The following ANGPT4 variants were observed in gnomAD, a reference collection of about 807,000 sequenced individuals.
The protein encoded by ANGPT4 is angiopoietin 4.
Under a neutral mutation model 53.0 loss-of-function variants are expected in ANGPT4, and 50 were observed. That is an observed-to-expected ratio of 0.94 (90% CI 0.75 to 1.20). ANGPT4 has a LOEUF of 1.20. Among genes scored for constraint, ANGPT4 ranks in the 50% most tolerant of loss-of-function variants. The probability of loss-of-function intolerance (pLI) is 0.00; values close to 1 mark genes in which losing one functional copy is unlikely to be tolerated. For missense variants in ANGPT4, 648 were observed against 637.1 expected (o/e 1.02, Z -0.18); for synonymous variants, 251 against 259.7 (o/e 0.97, Z 0.32).
At chr20:874,162 G>A (rs1377834774) in intron 8 of ANGPT4, 122 bp downstream of exon 8, 1 of 1,445,022 alleles carries the variant, frequency 6.9e-7, no homozygotes, top group Non-Finnish European at 9.4e-7. Flanking sequence ...GGGTGGGCAA[G>A]GCCCAGACCT....
chr20:892,811 C>T (rs561318033), intron 1 of ANGPT4, among the ~76,000 whole-genome samples: 92 of 152,254 alleles, frequency 6.0e-4, no homozygotes, highest in African/African-American at 2.0e-3. Context: ...GGACGACAGG[C>T]GAGCACCACC....
In ANGPT4 at chr20:881,156, A is replaced by G. The variant is rs933195745; in HGVS notation, c.951+15T>C. On this transcript the variant is annotated intron_variant, in intron 5 of 8. Transcript: ENST00000381922. ...GCACCCTCTAACAGCCACAGTTCCC[A>G]GGGAGCCCCCTAACCTTCCTGGGCT... 24 of 1,555,116 alleles carry G rather than the reference A, an allele frequency of 1.5e-5. No homozygotes were observed. In the Admixed American group the frequency reaches 3.4e-4, roughly 22 times the overall value.
chr20:888,642 A>G (rs1209124375), intron 2 of ANGPT4, among the ~76,000 whole-genome samples: 1 of 152,124 alleles, frequency 6.6e-6, no homozygotes, highest in African/African-American at 2.4e-5. Flanking sequence ...CCATCACTGC[A>G]ATGGCAGCTC....
intron 7 of ANGPT4, among the ~76,000 whole-genome samples, chr20:874,908 T>G (rs73078135): frequency 6.6e-6 from 1 of 152,002 alleles, no homozygotes; most frequent in East Asian, 1.9e-4. Flanking sequence ...AATACAAACA[T>G]AGGGTCTCAC....
intron 5 of ANGPT4, among the ~76,000 whole-genome samples, chr20:880,260 C>G (rs1291044198): frequency 1.3e-5 from 2 of 152,084 alleles, no homozygotes; most frequent in Non-Finnish European, 2.9e-5. Context: ...GTGTAAAAGA[C>G]AACCTGGAGA....
chr20:873,436 C>T (rs1160781886), intron 8 of ANGPT4, among the ~76,000 whole-genome samples: 1 of 148,880 alleles, frequency 6.7e-6, no homozygotes, highest in African/African-American at 2.4e-5. Flanking sequence ...AGCTCCCCAA[C>T]CTCCCCTCAT....
In ANGPT4 at chr20:885,151, C is replaced by T; in HGVS notation, c.762G>A (p.Gln254=). The change falls in exon 4 of 9, where the codon CAG becomes CAA. Residue 254 remains glutamine, a synonymous_variant. Transcript: ENST00000381922. ...VRHNSSLLQD[Q]QHSLRQLLVL... ...CCAGCAGCTGGCGCAGGCTGTGCTG[C>T]TGGTCCTGCAGGAGGCTGGAGTTGT... is the stretch of plus-strand genomic sequence containing the variant. 1 of 1,611,434 alleles carries T rather than the reference C, an allele frequency of 6.2e-7. No individual in the cohort carries two copies. The highest frequency in any genetic ancestry group is 8.5e-7 in the Non-Finnish European group (1 of 1,179,090).
chr20:903,107 C>T (rs1261550567), intron 1 of ANGPT4, among the ~76,000 whole-genome samples: 1 of 152,176 alleles, frequency 6.6e-6, no homozygotes, highest in Non-Finnish European at 1.5e-5. Context: ...GGGTACGACC[C>T]AGGCTTTAGC....
chr20:875,044 T>TC (rs1981110754), intron 7 of ANGPT4, among the ~76,000 whole-genome samples: 1 of 152,012 alleles, frequency 6.6e-6, no homozygotes, highest in African/African-American at 2.4e-5. Flanking sequence ...TTCTTTTTTT[T>TC]CTATTCTTTG....
At chr20:883,193 G>A (rs756400449) in intron 4 of ANGPT4, among the ~76,000 whole-genome samples, 36 of 152,366 alleles carry the variant, frequency 2.4e-4, no homozygotes, top group South Asian at 1.0e-3. Flanking sequence ...AGGAGCCAGG[G>A]CTTGAACTCC....
At chr20:895,953 T>C (rs1402506354) in intron 1 of ANGPT4, among the ~76,000 whole-genome samples, 1 of 152,216 alleles carries the variant, frequency 6.6e-6, no homozygotes, top group African/African-American at 2.4e-5. Context: ...TTGGCAATGT[T>C]CTATGTCATG....
chr20:916,331 G>C lies in ANGPT4; in HGVS notation c.-117C>G. On this transcript the variant is annotated 5_prime_UTR_variant, in exon 1 of 9. Transcript: ENST00000381922. ...CCTGCAGCTGCAGCTACAAACCTCT[G>C]TCTGGCCGAGCTCTGTCCAGGCAGC... 9.0e-7 allele frequency: 1 copy of C among 1,109,128 alleles called. No homozygotes were observed. Among genetic ancestry groups the C allele is most frequent in the South Asian group, 1.5e-5 (1 of 65,152 alleles). The allele number at this position is 1,109,128 out of a possible 1,614,324, so 68.7% of individuals were successfully genotyped here. A position where few individuals can be genotyped will look rare whatever the true frequency, so the allele number is the denominator to read the frequency against.
Position 914,444 on chromosome 20 carries a change from C to A in ANGPT4, c.309+1462G>T, listed in dbSNP as rs927870041. On this transcript the variant is annotated intron_variant, in intron 1 of 8. Transcript: ENST00000381922. The surrounding 1 kb of genome is among the most constrained non-coding windows in gnomAD (Gnocchi z 5.0). The stretch of plus-strand genomic sequence containing the variant: ...GGGAGTAAGGGTTCTTGCTTTTATT[C>A]GGATGCATGGTTAGCCCTGGGAGGA... Among the ~76,000 whole-genome samples the A allele has an allele frequency of 2.6e-5, 4 of 151,862 alleles. No homozygotes were observed. The highest frequency in any genetic ancestry group is 7.3e-5 in the African/African-American group (3 of 41,328).
At position 914,407 on chromosome 20, in the gene ANGPT4, G is replaced by C. The variant is rs959977394; in HGVS notation, c.309+1499C>G. On this transcript the variant is annotated intron_variant, in intron 1 of 8. Transcript: ENST00000381922. The surrounding 1 kb of genome is among the most constrained non-coding windows in gnomAD (Gnocchi z 5.0). ...GGGTAAGCAAAGTGGGAGTCTGGGA[G>C]AGGGAACTCCAGGGAGTAAGGGTTC... Among the ~76,000 whole-genome samples the C allele has an allele frequency of 6.6e-6, 1 of 152,132 alleles. No homozygotes were observed. Among genetic ancestry groups the C allele is most frequent in the African/African-American group, 2.4e-5 (1 of 41,410 alleles).
chr20:888,239 C>A, intron 3 of ANGPT4, 79 bp downstream of exon 3: 1 of 1,525,936 alleles, frequency 6.6e-7, no homozygotes, highest in Non-Finnish European at 8.8e-7. Context: ...CTAGCCCTGG[C>A]TCTGGTGCCT....
At chr20:886,553 A>C (rs1981626910) in intron 3 of ANGPT4, among the ~76,000 whole-genome samples, 1 of 152,214 alleles carries the variant, frequency 6.6e-6, no homozygotes, top group African/African-American at 2.4e-5. Flanking sequence ...GTAAGTTGAA[A>C]ATGTCCTAAG....
At chr20:877,501 A>G (rs1981214460) in intron 7 of ANGPT4, among the ~76,000 whole-genome samples, 1 of 152,188 alleles carries the variant, frequency 6.6e-6, no homozygotes, top group Non-Finnish European at 1.5e-5. Context: ...CTCAGTTTCC[A>G]TATTACTAAA....
In ANGPT4 at chr20:885,178, C is replaced by A. The variant is rs140682745; in HGVS notation, c.735G>T (p.Arg245Ser). The A allele has an allele frequency of 6.2e-7, 1 of 1,606,344 alleles. No homozygotes were observed. Among genetic ancestry groups the A allele is most frequent in the Admixed American group, 1.7e-5 (1 of 58,996 alleles). ...GGTCCTGCAGGAGGCTGGAGTTGTGCCTGACACCGCGCAGGCCGCGCTCGA... is the reference window on the plus strand; with the variant it reads ...GGTCCTGCAGGAGGCTGGAGTTGTGACTGACACCGCGCAGGCCGCGCTCGA... ...TNIERGLRGV[R>S]HNSSLLQDQQ... The change falls in exon 4 of 9, where the codon AGG becomes AGT. Residue 245 changes from arginine to serine, a missense_variant. Physicochemically the swap from Arg to Ser is moderately radical, Grantham distance 110. Coordinates refer to ENST00000381922, the MANE Select transcript of ANGPT4 (RefSeq NM_015985.4).
intron 1 of ANGPT4, among the ~76,000 whole-genome samples, chr20:910,513 C>T (rs1037196556): frequency 2.0e-5 from 3 of 152,200 alleles, no homozygotes; most frequent in Non-Finnish European, 4.4e-5. Flanking sequence ...AGCCAACTCT[C>T]AGGGTTCATT....
Sources: gnomAD v4.1 joint callset for allele counts (sites outside exome capture counted in the v4.1 genomes callset) on GRCh38, gnomAD v4.1.1 for gene constraint, Gnocchi (gnomAD v3.1) non-coding constraint, MANE v1.5 for transcripts, NCBI Gene and HGNC (gene_info 2026-07-23, HGNC 2026-07-21) for gene names.